The following SUPT3H variants were observed in gnomAD, a reference collection of about 807,000 sequenced individuals.
SUPT3H encodes the protein SPT3 homolog, SAGA and STAGA complex component.
In SUPT3H, 44 loss-of-function variants were observed where a neutral mutation model predicts 44.3. The observed-to-expected ratio is 0.99, with a 90% CI of 0.78 to 1.28. SUPT3H has a LOEUF of 1.28. Among genes scored for constraint, SUPT3H ranks in the 50% most tolerant of loss-of-function variants. The pLI is 0.00. For synonymous variants in SUPT3H, 124 were observed against 125.6 expected, an observed-to-expected ratio of 0.99 and a Z score of 0.09; for missense variants, 380 against 387.1, an observed-to-expected ratio of 0.98 and a Z score of 0.15.
At chr6:45,042,115 A>G (rs1302425475) in intron 3 of SUPT3H, among the ~76,000 whole-genome samples, 1 of 152,150 alleles carries the variant, frequency 6.6e-6, no homozygotes, top group African/African-American at 2.4e-5. Context: ...AAAAACATCA[A>G]ACTTGTTTAA....
chr6:45,183,962 C>T (rs1428167791), intron 2 of SUPT3H, among the ~76,000 whole-genome samples: 3 of 152,068 alleles, frequency 2.0e-5, no homozygotes, highest in Non-Finnish European at 4.4e-5. Flanking sequence ...CAGGTAGACA[C>T]AAAGAATTTT....
chr6:45,019,887 C>A (rs1192931584), intron 4 of SUPT3H, among the ~76,000 whole-genome samples: 1 of 151,836 alleles, frequency 6.6e-6, no homozygotes, highest in African/African-American at 2.4e-5. Flanking sequence ...TTCTTCATAT[C>A]ATCTAAGAGT....
chr6:44,902,289 C>T (rs1765205842), intron 10 of SUPT3H, among the ~76,000 whole-genome samples: 1 of 152,074 alleles, frequency 6.6e-6, no homozygotes, highest in Admixed American at 6.6e-5. Flanking sequence ...ATCTCATGTG[C>T]ACAGACACAC....
rs373283406 is a variant in SUPT3H at position 45,228,551 on chromosome 6, T to C, written c.102-122545A>G. 3.9e-5 allele frequency among the ~76,000 whole-genome samples: 6 copies of C among 152,330 alleles called. No individual in the cohort carries two copies. In the East Asian group the frequency reaches 9.6e-4, roughly 24 times the overall value. On this transcript the variant is annotated intron_variant, in intron 2 of 10. Transcript: ENST00000371459. The stretch of plus-strand genomic sequence containing the variant: ...TTAAACTTGAATCATGTGAGCCAAC[T>C]CTTTATAATAAATCTCTTTCTATGC...
intron 2 of SUPT3H, among the ~76,000 whole-genome samples, chr6:45,109,932 C>T (rs1799806745): frequency 6.6e-6 from 1 of 152,158 alleles, no homozygotes. Flanking sequence ...ATACCCTATT[C>T]ATTTACATAC....
chr6:44,912,146 T>C (rs1349548133), intron 10 of SUPT3H, among the ~76,000 whole-genome samples: 1 of 152,192 alleles, frequency 6.6e-6, no homozygotes, highest in Non-Finnish European at 1.5e-5. Flanking sequence ...TACAAGTCAG[T>C]GGCATTAATT....
chr6:44,956,119 CAA>C (rs35935221), intron 7 of SUPT3H, among the ~76,000 whole-genome samples: 5 of 124,604 alleles, frequency 4.0e-5, no homozygotes, highest in Admixed American at 3.3e-4. Context: ...GACTCCGTCT[CAA>C]AAAAAAAAAA....
At chr6:45,240,471 T>C (rs148080018) in intron 2 of SUPT3H, among the ~76,000 whole-genome samples, 55 of 152,332 alleles carry the variant, frequency 3.6e-4, no homozygotes, top group African/African-American at 1.3e-3. Flanking sequence ...GGTCTCAGTA[T>C]TTACCATAAT....
intron 9 of SUPT3H, among the ~76,000 whole-genome samples, chr6:44,939,687 TTC>T (rs1772088315): frequency 6.6e-6 from 1 of 152,058 alleles, no homozygotes; most frequent in Admixed American, 6.5e-5. Flanking sequence ...TGGTCCTGAA[TTC>T]TTTTTTGTTG....
intron 3 of SUPT3H, among the ~76,000 whole-genome samples, chr6:45,034,722 C>G (rs944042333): frequency 2.0e-5 from 3 of 152,118 alleles, no homozygotes; most frequent in Admixed American, 2.0e-4. Flanking sequence ...ATTTCTGACA[C>G]TTTACATTAT....
chr6:44,821,778 G>A (rs549690710), downstream of SUPT3H, among the ~76,000 whole-genome samples: 4 of 152,192 alleles, frequency 2.6e-5, no homozygotes, highest in Non-Finnish European at 2.9e-5. Context: ...TCAAATCCAC[G>A]TTAAAGCTGC....
rs1017214887 is a variant in SUPT3H at position 44,971,652 on chromosome 6, G to A, written c.505-9824C>T. Among the ~76,000 whole-genome samples, 3 of 152,142 alleles carry A rather than the reference G, an allele frequency of 2.0e-5. No individual in the cohort carries two copies. The East Asian group carries it at 5.8e-4, about 29-fold the overall frequency. On this transcript the variant is annotated intron_variant, in intron 6 of 10. Coordinates refer to ENST00000371459, the MANE Select transcript of SUPT3H (RefSeq NM_003599.4). ...GGGGATTATGGGAACTACAATTCAAGATGAGATTTGAGTGGGGACACAGCC... is the reference window on the plus strand; with the variant it reads ...GGGGATTATGGGAACTACAATTCAAAATGAGATTTGAGTGGGGACACAGCC...
At chr6:44,921,265 A>G (rs1050519835) in intron 10 of SUPT3H, among the ~76,000 whole-genome samples, 1 of 152,216 alleles carries the variant, frequency 6.6e-6, no homozygotes, top group Admixed American at 6.5e-5. Context: ...TCTTGTCCAT[A>G]CTCAAAAATC....
At chr6:44,905,111 C>A (rs568404630) in intron 10 of SUPT3H, among the ~76,000 whole-genome samples, 1 of 152,012 alleles carries the variant, frequency 6.6e-6, no homozygotes, top group African/African-American at 2.4e-5. Flanking sequence ...TAGGCATGGG[C>A]AAGGACTTCA....
intron 10 of SUPT3H, chr6:44,899,116 T>G (rs1764566817): frequency 1.3e-5 from 2 of 152,324 alleles, no homozygotes; most frequent in Non-Finnish European, 2.9e-5. Flanking sequence ...TTTGTTTACC[T>G]AGAAGATTCA....
At chr6:45,121,128 T>C (rs1211364345) in intron 2 of SUPT3H, among the ~76,000 whole-genome samples, 1 of 152,144 alleles carries the variant, frequency 6.6e-6, no homozygotes, top group African/African-American at 2.4e-5. Context: ...TCCAGAGAGT[T>C]TGATAAACAG....
intron 3 of SUPT3H, among the ~76,000 whole-genome samples, chr6:45,068,816 T>A (rs1259319524): frequency 6.6e-6 from 1 of 152,042 alleles, no homozygotes; most frequent in Non-Finnish European, 1.5e-5. Context: ...TGCCACACTT[T>A]AACCAGCTTA....
chr6:45,037,492 C>CAA (rs757168354), intron 3 of SUPT3H, among the ~76,000 whole-genome samples: 1 of 129,202 alleles, frequency 7.7e-6, no homozygotes, highest in East Asian at 2.2e-4. Flanking sequence ...ACTAAAAATA[C>CAA]AAAAAAAAAA....
chr6:45,091,443 T>G (rs1229920735), intron 3 of SUPT3H, among the ~76,000 whole-genome samples: 2 of 151,994 alleles, frequency 1.3e-5, no homozygotes, highest in Non-Finnish European at 2.9e-5. Context: ...CTTACAGACA[T>G]ATAGTAAATT....
Sources: gnomAD v4.1 joint callset for allele counts (sites outside exome capture counted in the v4.1 genomes callset) on GRCh38, gnomAD v4.1.1 for gene constraint, MANE v1.5 for transcripts, NCBI Gene and HGNC (gene_info 2026-07-23, HGNC 2026-07-21) for gene names.